SBF2: variants seen among roughly 807,000 people sequenced by gnomAD.
SBF2 encodes SET binding factor 2, also known as myotubularin-related protein 13.
In SBF2, 112 loss-of-function variants were observed where a neutral mutation model predicts 225.2. That is an observed-to-expected ratio of 0.50 (90% confidence interval 0.43 to 0.58). The LOEUF is 0.58. Among genes scored for constraint, SBF2 ranks in the 20% least tolerant of loss-of-function variants. SBF2 has a pLI of 0.00. For missense variants in SBF2, 1,996 were observed against 2,206.2 expected (o/e 0.90, Z 1.91); for synonymous variants, 763 against 773.3 (o/e 0.99, Z 0.22).
At chr11:10,288,973 G>A (rs1049921298) in intron 1 of SBF2, among the ~76,000 whole-genome samples, 7 of 152,118 alleles carry the variant, frequency 4.6e-5, no homozygotes, top group African/African-American at 9.7e-5. Context: ...GCCCCCTTCC[G>A]CCATCCACGA....
chr11:9,810,344 A>G (rs1854113776), intron 30 of SBF2: 1 of 152,204 alleles, frequency 6.6e-6, no homozygotes, highest in Non-Finnish European at 1.5e-5. Context: ...AAAACTTTCA[A>G]TATATTTGTG....
At chr11:10,147,587 G>C (rs1298667783) in intron 2 of SBF2, among the ~76,000 whole-genome samples, 1 of 152,088 alleles carries the variant, frequency 6.6e-6, no homozygotes, top group Non-Finnish European at 1.5e-5. Context: ...GGGAAGAAGG[G>C]AGAGAATCAG....
intron 1 of SBF2, among the ~76,000 whole-genome samples, chr11:10,290,155 T>C (rs2135583639): frequency 2.0e-5 from 3 of 152,294 alleles, no homozygotes; most frequent in Middle Eastern, 6.8e-3. Flanking sequence ...TTCCTTCTCC[T>C]TCCCTTTTCC....
At chr11:10,007,595 G>C (rs945263388) in intron 6 of SBF2, among the ~76,000 whole-genome samples, 1 of 152,174 alleles carries the variant, frequency 6.6e-6, no homozygotes, top group Non-Finnish European at 1.5e-5. Flanking sequence ...AATGGATCTA[G>C]TGATGATAGC....
chr11:9,903,643 G>C (rs139760832), intron 16 of SBF2, among the ~76,000 whole-genome samples: 1 of 152,160 alleles, frequency 6.6e-6, no homozygotes, highest in African/African-American at 2.4e-5. Context: ...AGACCCAAGC[G>C]GGCACGTGAA....
At chr11:10,258,769 T>G (rs1343403494) in intron 1 of SBF2, among the ~76,000 whole-genome samples, 7 of 152,088 alleles carry the variant, frequency 4.6e-5, no homozygotes, top group Non-Finnish European at 1.0e-4. Context: ...CACTACATAG[T>G]CTGCCTCAAA....
At chr11:9,980,660 T>G (rs563319692) in intron 13 of SBF2, among the ~76,000 whole-genome samples, 1 of 152,022 alleles carries the variant, frequency 6.6e-6, no homozygotes, top group South Asian at 2.1e-4. Context: ...GATCTCGGCT[T>G]ACTGCAAGCT....
chr11:10,290,825 C>T (rs1047312933), intron 1 of SBF2, among the ~76,000 whole-genome samples: 3 of 152,080 alleles, frequency 2.0e-5, no homozygotes, highest in African/African-American at 7.2e-5. Flanking sequence ...TGCATACATA[C>T]CTATACTTAC....
intron 2 of SBF2, among the ~76,000 whole-genome samples, chr11:10,192,186 A>T (rs994042241): frequency 5.3e-5 from 8 of 152,214 alleles, no homozygotes; most frequent in African/African-American, 1.7e-4. Flanking sequence ...ATTTGCAGGC[A>T]TATGGGGAAA....
intron 16 of SBF2, among the ~76,000 whole-genome samples, chr11:9,942,980 GAAGAAAGAAAGAAAGAAAGA>G (rs61495070): frequency 6.8e-6 from 1 of 147,544 alleles, no homozygotes; most frequent in East Asian, 2.0e-4. Context: ...AAAGAAAGAG[GAAGAAAGAAAGAAAGAAAGA>G]AAGAAAGAAA....
At chr11:9,930,685 G>A (rs1478169603) in intron 16 of SBF2, among the ~76,000 whole-genome samples, 4 of 152,210 alleles carry the variant, frequency 2.6e-5, no homozygotes, top group African/African-American at 9.6e-5. Flanking sequence ...CGTGATCGAT[G>A]CAGAAGACGG....
Position 9,956,042 on chromosome 11 carries a change from T to A in SBF2, c.1860+5915A>T, listed in dbSNP as rs150407042. Among the ~76,000 whole-genome samples the A allele has an allele frequency of 1.4e-3, 219 of 152,248 alleles. 1 individual carries two copies. The highest frequency in any genetic ancestry group is 2.4e-3 in the Non-Finnish European group (162 of 68,000). On this transcript the variant is annotated intron_variant, in intron 16 of 39. Coordinates refer to ENST00000256190, the MANE Select transcript of SBF2 (RefSeq NM_030962.4). ...ACTCATGACAGTGCTGAATTGTCTT[T>A]TTATTTTTGTACAGAATTATCTTCT...
chr11:10,179,355 TAAAAAACAAAC>T (rs1266865340), intron 2 of SBF2, among the ~76,000 whole-genome samples: 1 of 142,820 alleles, frequency 7.0e-6, no homozygotes, highest in African/African-American at 2.6e-5. Flanking sequence ...AATAATAAAT[TAAAAAACAAAC>T]AAAAAACAAA....
intron 6 of SBF2, among the ~76,000 whole-genome samples, chr11:10,019,063 T>G (rs999484370): frequency 2.0e-5 from 3 of 152,204 alleles, no homozygotes; most frequent in African/African-American, 7.2e-5. Context: ...CGATACCTGT[T>G]TTTCCATTAG....
intron 1 of SBF2, among the ~76,000 whole-genome samples, chr11:10,279,106 TAAAAAAAAAAAAA>T (rs58093618): frequency 1.8e-5 from 1 of 56,140 alleles, no homozygotes; most frequent in African/African-American, 7.3e-5. Flanking sequence ...GGTCTTGTAT[TAAAAAAAAAAAAA>T]AAAAAAAAAA....
At chr11:9,999,092 A>G (rs1339426264) in intron 8 of SBF2, among the ~76,000 whole-genome samples, 1 of 152,226 alleles carries the variant, frequency 6.6e-6, no homozygotes, top group East Asian at 1.9e-4. Flanking sequence ...TTTAAAAATA[A>G]CTTACATAAA....
intron 16 of SBF2, chr11:9,959,991 T>C: frequency 3.4e-6 from 1 of 298,258 alleles, no homozygotes. Context: ...TGTAGGGTTT[T>C]TTCTTTTTTA....
intron 1 of SBF2, among the ~76,000 whole-genome samples, chr11:10,250,292 T>A (rs1960220209): frequency 6.6e-6 from 1 of 152,216 alleles, no homozygotes; most frequent in Admixed American, 6.5e-5. Flanking sequence ...ATTAGTTATC[T>A]GCGCTATGCA....
chr11:10,146,510 G>A (rs904811519), intron 2 of SBF2, among the ~76,000 whole-genome samples: 44 of 152,156 alleles, frequency 2.9e-4, no homozygotes, highest in African/African-American at 1.1e-3. Flanking sequence ...TGCAATAACT[G>A]GCTAGCCGTA....
Sources: allele counts gnomAD v4.1 joint callset (sites outside exome capture counted in the v4.1 genomes callset), GRCh38; gene constraint gnomAD v4.1.1; transcripts MANE v1.5; gene names NCBI Gene and HGNC (gene_info 2026-07-23, HGNC 2026-07-21).